CENPB: variants seen among roughly 807,000 people sequenced by gnomAD.
The protein encoded by CENPB is major centromere autoantigen B.
A neutral mutation model predicts 41.9 loss-of-function variants in CENPB; 19 were observed. That is an observed-to-expected ratio of 0.45 (90% CI 0.32 to 0.67). The LOEUF (loss-of-function observed/expected upper bound fraction) is 0.67. CENPB is among the 30% of genes least tolerant of loss of function. The pLI is 0.04. For missense variants in CENPB, 614 were observed against 816.2 expected (o/e 0.75, Z 3.02); for synonymous variants, 399 against 354.4 (o/e 1.13, Z -1.41).
In CENPB at chr20:3,785,627, G is replaced by A. The variant is rs1209039813; in HGVS notation, c.857C>T (p.Ala286Val). The A allele has an allele frequency of 1.2e-6, 2 of 1,605,250 alleles. No homozygotes were observed. Among genetic ancestry groups the A allele is most frequent in the Non-Finnish European group, 8.5e-7 (1 of 1,176,206 alleles). The change falls in exon 1 of 1, where the codon GCT (alanine) becomes GTT (valine). Residue 286 changes from alanine to valine, a missense_variant. Ala to Val is a moderately conservative substitution (Grantham distance 64, BLOSUM62 0). This residue lies in a region of CENPB where 537 missense variants were observed against 629.4 expected (regional missense o/e 0.85). Coordinates refer to ENST00000379751, the MANE Select transcript of CENPB (RefSeq NM_001810.6). The stretch of plus-strand genomic sequence containing the variant: ...CAGCAGGACCCGGCGAGACTCTGCA[G>A]CCATTCGGGTGTCCAAGGCCTTCAA... ...KYLKALDTRM[A>V]AESRRVLLLA...
chr20:3,785,741 G>A lies in CENPB; in HGVS notation c.743C>T (p.Ala248Val). Reference sequence around the variant, plus strand: ...GCCGGCTTGGCCTGCGCGGGGCTTGGCCGACTTGCCGGCCACCAGCGGGGG... The same window carrying A: ...GCCGGCTTGGCCTGCGCGGGGCTTGACCGACTTGCCGGCCACCAGCGGGGG... ...KLPPLVAGKS[A>V]KPRAGQAGLP... Residue 248 changes from alanine to valine, a missense_variant, in exon 1 of 1, where the codon GCC (alanine) becomes GTC (valine). Coordinates refer to ENST00000379751, the MANE Select transcript of CENPB (RefSeq NM_001810.6). 1.9e-6 allele frequency: 3 copies of A among 1,607,780 alleles called. No individual in the cohort carries two copies. Among genetic ancestry groups the A allele is most frequent in the Non-Finnish European group, 8.5e-7 (1 of 1,177,278 alleles).
chr20:3,785,082 A>C lies in CENPB; in HGVS notation c.1402T>G (p.Ser468Ala). 6.2e-7 allele frequency: 1 copy of C among 1,612,862 alleles called. No individual in the cohort carries two copies. Among genetic ancestry groups the C allele is most frequent in the Non-Finnish European group, 8.5e-7 (1 of 1,179,532 alleles). The change falls in exon 1 of 1, where the codon TCG (serine) becomes GCG (alanine). Residue 468 changes from serine to alanine, a missense_variant. This residue lies in a region of CENPB where 537 missense variants were observed against 629.4 expected (regional missense o/e 0.85). Transcript: ENST00000379751. ...EEEEEDEESS[S>A]EGLEAEDWAQ... ...CAGTCCTCAGCCTCCAAGCCCTCCG[A>C]GGAGCTCTCCTCATCTTCCTCCTCT...
In CENPB at chr20:3,784,003, G is replaced by A. The variant is rs150362144; in HGVS notation, c.*681C>T. 2.0e-5 allele frequency: 3 copies of A among 152,822 alleles called. No homozygotes were observed. Among genetic ancestry groups the A allele is most frequent in the African/African-American group, 7.2e-5 (3 of 41,584 alleles). 9.5% of individuals were successfully genotyped at this position (152,822 alleles called of 1,614,324 possible). On this transcript the variant is annotated 3_prime_UTR_variant, in exon 1 of 1. Coordinates refer to ENST00000379751, the MANE Select transcript of CENPB (RefSeq NM_001810.6). This position sits in a 1 kb window ranked among gnomAD's most constrained non-coding sequence, Gnocchi z 5.2. ...CCTGCCAGAGAGGGAGGAGAGGCAT[G>A]GGGCCTGCAGCTGCCCACAAGGAAG...
rs754180216 is a variant in CENPB at position 3,786,073 on chromosome 20, G to T, written c.411C>A (p.Gly137=). The T allele has an allele frequency of 5.7e-6, 9 of 1,565,886 alleles. No individual in the cohort carries two copies. In the South Asian group the frequency reaches 1.0e-4, roughly 18 times the overall value. The change falls in exon 1 of 1, where the codon GGC becomes GGA. Residue 137 remains glycine, a synonymous_variant. Transcript: ENST00000379751. ...CGTTTCGCGCGCGGGCGCGGGCCAC[G>T]CCGCTGCAGGACACCACGCCGTGGC... ...RRRHGVVSCS[G]VARARARNAA...
rs1167131221 is a variant in CENPB at position 3,786,237 on chromosome 20, C to T, written c.247G>A (p.Ala83Thr). The T allele has an allele frequency of 5.6e-6, 9 of 1,603,094 alleles. No individual in the cohort carries two copies. The highest frequency in any genetic ancestry group is 7.6e-6 in the Non-Finnish European group (9 of 1,178,616). The change falls in exon 1 of 1, where the codon GCC (alanine) becomes ACC (threonine). Residue 83 changes from alanine (A) to threonine (T), a missense_variant. Ala to Thr is a moderately conservative substitution (Grantham distance 58). Transcript: ENST00000379751. Reference sequence around the variant, plus strand: ...GCGGCGCGGATCTGCTGGAACCAGGCGATGAGCAAGCCCTCGAGCTTGTCG... The same window carrying T: ...GCGGCGCGGATCTGCTGGAACCAGGTGATGAGCAAGCCCTCGAGCTTGTCG... ...PYDKLEGLLIAWFQQIRAAGL... is the reference protein window; with the variant it reads ...PYDKLEGLLITWFQQIRAAGL...
chr20:3,784,575 G>A lies in CENPB; in HGVS notation c.*109C>T. Reference sequence around the variant, plus strand: ...CAGGACCAGGGGAAGCATTACTAAAGGATCTGGGGCTCTGCACTCTGGCTC... The same window carrying A: ...CAGGACCAGGGGAAGCATTACTAAAAGATCTGGGGCTCTGCACTCTGGCTC... On this transcript the variant is annotated 3_prime_UTR_variant, in exon 1 of 1. Transcript: ENST00000379751. This position sits in a 1 kb window ranked among gnomAD's most constrained non-coding sequence, Gnocchi z 5.2. 7.6e-7 allele frequency: 1 copy of A among 1,318,966 alleles called. No individual in the cohort carries two copies. The allele number at this position is 1,318,966 out of a possible 1,614,324, so 81.7% of individuals were successfully genotyped here. A position where few individuals can be genotyped will look rare whatever the true frequency, so the allele number is the denominator to read the frequency against.
chr20:3,784,546 G>A lies in CENPB; in HGVS notation c.*138C>T. The A allele has an allele frequency of 1.9e-6, 2 of 1,040,906 alleles. No individual in the cohort carries two copies. The highest frequency in any genetic ancestry group is 2.8e-6 in the Non-Finnish European group (2 of 712,516). 64.5% of individuals were successfully genotyped at this position (1,040,906 alleles called of 1,614,324 possible). ...GGGCCCGGCCGAGGTGACCGGGCCT[G>A]TTGCAGGACCAGGGGAAGCATTACT... On this transcript the variant is annotated 3_prime_UTR_variant, in exon 1 of 1. Coordinates refer to ENST00000379751, the MANE Select transcript of CENPB (RefSeq NM_001810.6). This position sits in a 1 kb window ranked among gnomAD's most constrained non-coding sequence, Gnocchi z 5.2.
Position 3,784,825 on chromosome 20 carries a change from C to A in CENPB, c.1659G>T (p.Met553Ile). 6.2e-7 allele frequency: 1 copy of A among 1,614,124 alleles called. No individual in the cohort carries two copies. The highest frequency in any genetic ancestry group is 8.5e-7 in the Non-Finnish European group (1 of 1,179,994). ...SFGEAMAYFA[M>I]VKRYLTSFPI... is the part of the protein sequence containing the mutation. ...GGAAGGAGGTCAGGTACCTCTTGACCATGGCAAAGTAAGCCATGGCCTCCC... is the reference window on the plus strand; with the variant it reads ...GGAAGGAGGTCAGGTACCTCTTGACAATGGCAAAGTAAGCCATGGCCTCCC... The change falls in exon 1 of 1, where the codon ATG becomes ATT. Residue 553 changes from methionine (M) to isoleucine (I), a missense_variant. Around this residue, in one of 2 missense-constraint regions of CENPB, gnomAD observed 537 missense variants for 629.4 expected, o/e 0.85. Transcript: ENST00000379751. The surrounding 1 kb of genome is among the most constrained non-coding windows in gnomAD (Gnocchi z 5.2).
At position 3,784,452 on chromosome 20, in the gene CENPB, G is replaced by A; in HGVS notation, c.*232C>T. On this transcript the variant is annotated 3_prime_UTR_variant, in exon 1 of 1. Transcript: ENST00000379751. This position sits in a 1 kb window ranked among gnomAD's most constrained non-coding sequence, Gnocchi z 5.2. ...CCCCACCTGGTCCCCTGAGCCCAGG[G>A]CCAAATGGGGAGGAAAGAGGATTCT... The A allele has an allele frequency of 3.7e-6, 2 of 542,348 alleles. No homozygotes were observed. Among genetic ancestry groups the A allele is most frequent in the Non-Finnish European group, 3.3e-6 (1 of 303,564 alleles). The allele number at this position is 542,348 out of a possible 1,614,324, so 33.6% of individuals were successfully genotyped here. A position where few individuals can be genotyped will look rare whatever the true frequency, so the allele number is the denominator to read the frequency against.
At position 3,785,115 on chromosome 20, in the gene CENPB, C is replaced by T; in HGVS notation, c.1369G>A (p.Asp457Asn). ...TCCTCATCTTCCTCCTCTTCTTCAT[C>T]ACTATCAACATCACCCTCCTCCTCC... Reference protein sequence around the residue: ...EVEEEGDVDSDEEEEEDEESS... With the variant: ...EVEEEGDVDSNEEEEEDEESS... Residue 457 changes from aspartate to asparagine, a missense_variant, in exon 1 of 1, where the codon GAT (aspartate) becomes AAT (asparagine). By Grantham distance (23) the Asp-to-Asn change is conservative (BLOSUM62 1). Around this residue, in one of 2 missense-constraint regions of CENPB, gnomAD observed 537 missense variants for 629.4 expected, o/e 0.85. Coordinates refer to ENST00000379751, the MANE Select transcript of CENPB (RefSeq NM_001810.6). The T allele has an allele frequency of 2.5e-6, 4 of 1,606,580 alleles. No individual in the cohort carries two copies. Among genetic ancestry groups the T allele is most frequent in the Non-Finnish European group, 1.7e-6 (2 of 1,175,636 alleles).
chr20:3,785,784 C>A lies in CENPB; in HGVS notation c.700G>T (p.Asp234Tyr). Residue 234 changes from aspartate to tyrosine, a missense_variant, in exon 1 of 1, where the codon GAC becomes TAC. Coordinates refer to ENST00000379751, the MANE Select transcript of CENPB (RefSeq NM_001810.6). The part of the protein sequence containing the change: ...RLSVLLCANA[D>Y]GSEKLPPLVA... The stretch of plus-strand genomic sequence containing the variant: ...AGCGGGGGCAGCTTCTCGCTGCCGT[C>A]GGCATTGGCGCATAGCAGGACGCTC... 6.2e-7 allele frequency: 1 copy of A among 1,609,478 alleles called. No homozygotes were observed. The highest frequency in any genetic ancestry group is 1.1e-5 in the South Asian group (1 of 90,888).
In CENPB at chr20:3,784,800, G is replaced by A. The variant is rs1251401829; in HGVS notation, c.1684C>T (p.Pro562Ser). The part of the protein sequence containing the change: ...AMVKRYLTSF[P>S]IDDRVQSHIL... ...TGGCTCTGCACGCGGTCATCAATGG[G>A]GAAGGAGGTCAGGTACCTCTTGACC... Residue 562 changes from proline (P) to serine (S), a missense_variant, in exon 1 of 1, where the codon CCC becomes TCC. This residue lies in a region of CENPB where 537 missense variants were observed against 629.4 expected (regional missense o/e 0.85). Transcript: ENST00000379751. The surrounding 1 kb of genome is among the most constrained non-coding windows in gnomAD (Gnocchi z 5.2). The A allele has an allele frequency of 1.2e-6, 2 of 1,614,110 alleles. No individual in the cohort carries two copies. Among genetic ancestry groups the A allele is most frequent in the South Asian group, 2.2e-5 (2 of 91,076 alleles).
At position 3,784,565 on chromosome 20, in the gene CENPB, C is replaced by T; in HGVS notation, c.*119G>A. The T allele has an allele frequency of 8.2e-7, 1 of 1,214,336 alleles. No homozygotes were observed. The highest frequency in any genetic ancestry group is 1.2e-6 in the Non-Finnish European group (1 of 862,774). The allele number at this position is 1,214,336 out of a possible 1,614,324, so 75.2% of individuals were successfully genotyped here. A position where few individuals can be genotyped will look rare whatever the true frequency, so the allele number is the denominator to read the frequency against. ...GGGCCTGTTGCAGGACCAGGGGAAGCATTACTAAAGGATCTGGGGCTCTGC... is the reference window on the plus strand; with the variant it reads ...GGGCCTGTTGCAGGACCAGGGGAAGTATTACTAAAGGATCTGGGGCTCTGC... On this transcript the variant is annotated 3_prime_UTR_variant, in exon 1 of 1. Transcript: ENST00000379751. This position sits in a 1 kb window ranked among gnomAD's most constrained non-coding sequence, Gnocchi z 5.2.
rs1312975316 is a variant in CENPB at position 3,785,765 on chromosome 20, GGCAGCTTCTCGCT to G, written c.706_718del (p.Ser236ProfsTer39). The stretch of plus-strand genomic sequence containing the variant: ...GGCCGACTTGCCGGCCACCAGCGGG[GGCAGCTTCTCGCT>G]GCCGTCGGCATTGGCGCATAGCAGG... On this transcript the variant is annotated frameshift_variant, in exon 1 of 1. Coordinates refer to ENST00000379751, the MANE Select transcript of CENPB (RefSeq NM_001810.6). LOFTEE classifies it high-confidence loss of function. The G allele has an allele frequency of 6.2e-7, 1 of 1,609,342 alleles. No individual in the cohort carries two copies. The highest frequency in any genetic ancestry group is 1.7e-5 in the Admixed American group (1 of 59,660).
In CENPB at chr20:3,785,876, A is replaced by T. The variant is rs369656252; in HGVS notation, c.608T>A (p.Phe203Tyr). Residue 203 changes from phenylalanine to tyrosine, a missense_variant, in exon 1 of 1, where the codon TTC becomes TAC. Phe to Tyr is a conservative substitution (Grantham distance 22). Coordinates refer to ENST00000379751, the MANE Select transcript of CENPB (RefSeq NM_001810.6). ...SATETSLWYD[F>Y]LPDQAAGLCG... ...CAGCCCCGCGGCCTGGTCGGGCAGG[A>T]AGTCGTACCATAGACTGGTCTCGGT... is the stretch of plus-strand genomic sequence containing the variant. The T allele has an allele frequency of 3.1e-6, 5 of 1,608,284 alleles. No individual in the cohort carries two copies. The highest frequency in any genetic ancestry group is 4.2e-6 in the Non-Finnish European group (5 of 1,178,542).
Position 3,785,514 on chromosome 20 carries a change from G to A in CENPB, c.970C>T (p.Pro324Ser). 1 of 1,596,986 alleles carries A rather than the reference G, an allele frequency of 6.3e-7. No individual in the cohort carries two copies. The highest frequency in any genetic ancestry group is 8.5e-7 in the Non-Finnish European group (1 of 1,172,118). Residue 324 changes from proline (P) to serine (S), a missense_variant, in exon 1 of 1, where the codon CCG becomes TCG. Transcript: ENST00000379751. ...TGCTGGACCACTCCCCTCTCCAGCGGATGCACGGTGCCGGGAGGGAAGAAG... is the reference window on the plus strand; with the variant it reads ...TGCTGGACCACTCCCCTCTCCAGCGAATGCACGGTGCCGGGAGGGAAGAAG... The part of the protein sequence containing the change: ...LAFFPPGTVH[P>S]LERGVVQQVK...
At position 3,786,397 on chromosome 20, in the gene CENPB, G is replaced by A. The variant is rs764703490; in HGVS notation, c.87C>T (p.Gly29=). The A allele has an allele frequency of 6.2e-7, 1 of 1,601,796 alleles. No homozygotes were observed. Among genetic ancestry groups the A allele is most frequent in the South Asian group, 1.1e-5 (1 of 91,068 alleles). The change falls in exon 1 of 1, where the codon GGC becomes GGT. Residue 29 remains glycine (G), a synonymous_variant. Transcript: ENST00000379751. ...EVEENPDLRK[G]EIARRFNIPP... is the part of the protein sequence containing the mutation. ...GGATGTTGAAGCGCCGCGCGATCTCGCCCTTGCGCAGGTCCGGATTCTCCT... is the reference window on the plus strand; with the variant it reads ...GGATGTTGAAGCGCCGCGCGATCTCACCCTTGCGCAGGTCCGGATTCTCCT...
chr20:3,786,124 G>A lies in CENPB; in HGVS notation c.360C>T (p.Asn120=), dbSNP rs770568979. The A allele has an allele frequency of 8.1e-6, 13 of 1,596,654 alleles. No individual in the cohort carries two copies. The highest frequency in any genetic ancestry group is 1.7e-5 in the Admixed American group (1 of 59,936). ...GCCGGCGGAAGCGGTCCAGCCAGCCGTTGGAGGCGGTGAAGTCGTCCATGC... is the reference window on the plus strand; with the variant it reads ...GCCGGCGGAAGCGGTCCAGCCAGCCATTGGAGGCGGTGAAGTCGTCCATGC... The part of the protein sequence containing the change: ...ELGMDDFTAS[N]GWLDRFRRRH... Residue 120 remains asparagine, a synonymous_variant, in exon 1 of 1, where the codon AAC becomes AAT. Transcript: ENST00000379751.
At position 3,785,191 on chromosome 20, in the gene CENPB, CTCCTCCCCTTCCTCCTCCTCT is replaced by C; in HGVS notation, c.1272_1292del (p.Glu430_Gly436del). The C allele has an allele frequency of 7.6e-7, 1 of 1,316,530 alleles. No individual in the cohort carries two copies. Among genetic ancestry groups the C allele is most frequent in the Non-Finnish European group, 1.0e-6 (1 of 998,680 alleles). The allele number at this position is 1,316,530 out of a possible 1,614,324, so 81.6% of individuals were successfully genotyped here. A position where few individuals can be genotyped will look rare whatever the true frequency, so the allele number is the denominator to read the frequency against. On this transcript the variant is annotated inframe_deletion, in exon 1 of 1. Coordinates refer to ENST00000379751, the MANE Select transcript of CENPB (RefSeq NM_001810.6). ...CTCCTTCCCCCCCTTCCTCCTCCTC[CTCCTCCCCTTCCTCCTCCTCT>C]TCCTCTCCTTCACCCTCTTCCTCCT...
Sources: allele counts gnomAD v4.1 joint callset, GRCh38; gene constraint gnomAD v4.1.1; regional missense constraint gnomAD v4.1.1; non-coding constraint Gnocchi (gnomAD v3.1); transcripts MANE v1.5; gene names NCBI Gene and HGNC (gene_info 2026-07-23, HGNC 2026-07-21).